FAM91A1: variants seen among roughly 807,000 people sequenced by gnomAD.
FAM91A1 encodes protein FAM91A1.
A neutral mutation model predicts 113.5 loss-of-function variants in FAM91A1; 41 were observed. The observed-to-expected ratio is 0.36, with a 90% CI of 0.28 to 0.47. The LOEUF (loss-of-function observed/expected upper bound fraction) is 0.47, where lower values mean the gene tolerates loss of function less well. FAM91A1 is among the 20% of genes least tolerant of loss of function. The pLI, the probability that FAM91A1 is intolerant of heterozygous loss-of-function variation, is 1.00. For synonymous variants in FAM91A1, 307 were observed against 347.9 expected, an observed-to-expected ratio of 0.88 and a Z score of 1.31; for missense variants, 696 against 1,001.2, an observed-to-expected ratio of 0.70 and a Z score of 4.11.
chr8:123,775,068 T>C, intron 2 of FAM91A1, 79 bp from the exon 3 acceptor site: 1 of 1,328,570 alleles, frequency 7.5e-7, no homozygotes, highest in Non-Finnish European at 1.0e-6. Flanking sequence ...AAATTACTGT[T>C]GGTTTGTAAA....
chr8:123,773,655 A>G (rs540996805), intron 1 of FAM91A1, among the ~76,000 whole-genome samples: 16 of 152,336 alleles, frequency 1.1e-4, no homozygotes, highest in African/African-American at 3.6e-4. Context: ...TACAATTATC[A>G]AAGAGGGATG....
chr8:123,778,077 G>A lies in FAM91A1; in HGVS notation c.420G>A (p.Gln140=), dbSNP rs1815031369. ...GRNQYIDLMN[Q]CRSSKKFFRR... is the part of the protein sequence containing the mutation. ...ACCAGTATATTGATCTTATGAATCA[G>A]TGTAGATCATCAAAAGTAAGTTAGT... is the stretch of plus-strand genomic sequence containing the variant. The change falls in exon 5 of 24, where the codon CAG becomes CAA. Residue 140 remains glutamine, a synonymous_variant. Coordinates refer to ENST00000334705, the MANE Select transcript of FAM91A1 (RefSeq NM_144963.4). 6.2e-7 allele frequency: 1 copy of A among 1,612,054 alleles called. No homozygotes were observed. Among genetic ancestry groups the A allele is most frequent in the Non-Finnish European group, 8.5e-7 (1 of 1,178,912 alleles).
chr8:123,775,157 CA>C lies in FAM91A1; in HGVS notation c.170del (p.Lys57ArgfsTer12). On this transcript the variant is annotated frameshift_variant, in exon 3 of 24. Coordinates refer to ENST00000334705, the MANE Select transcript of FAM91A1 (RefSeq NM_144963.4). LOFTEE classifies it high-confidence loss of function. Reference sequence around the variant, plus strand: ...CCCTCTTTTGTGCAGTTAAACATGTCAAGAAAGATGAACGCAGATACTATGA... The same window carrying C: ...CCCTCTTTTGTGCAGTTAAACATGTCAGAAAGATGAACGCAGATACTATGA... ...RYRNNLVKHV[K>X]KDERRYYEEL... 6.2e-7 allele frequency: 1 copy of C among 1,604,238 alleles called. No homozygotes were observed. The highest frequency in any genetic ancestry group is 1.1e-5 in the South Asian group (1 of 89,676).
intron 1 of FAM91A1, among the ~76,000 whole-genome samples, chr8:123,773,858 T>C (rs1814916738): frequency 6.6e-6 from 1 of 152,216 alleles, no homozygotes; most frequent in Non-Finnish European, 1.5e-5. Context: ...TTTAGTAAAC[T>C]CTTTTAGAAA....
intron 15 of FAM91A1, among the ~76,000 whole-genome samples, chr8:123,791,541 AT>A (rs1346532718): frequency 6.6e-6 from 1 of 152,106 alleles, no homozygotes; most frequent in Non-Finnish European, 1.5e-5. Flanking sequence ...CTAGTTGGAG[AT>A]TTAATTGCTT....
chr8:123,783,175 C>CAATA lies in FAM91A1; in HGVS notation c.704-1278_704-1275dup, dbSNP rs556597277. 1.9e-4 allele frequency among the ~76,000 whole-genome samples: 29 copies of CAATA among 151,408 alleles called. No individual in the cohort carries two copies. The East Asian group carries it at 3.5e-3, about 18-fold the overall frequency. On this transcript the variant is annotated intron_variant, in intron 8 of 23. Transcript: ENST00000334705. ...TAGGTGACAGAGTGAGACCCTGTCT[C>CAATA]AATAAATAAATAAATAAATAGATAC...
chr8:123,774,859 A>C (rs534657195), intron 2 of FAM91A1, among the ~76,000 whole-genome samples: 139 of 152,280 alleles, frequency 9.1e-4, no homozygotes, highest in African/African-American at 3.3e-3. Flanking sequence ...CAATTCAATA[A>C]AGCTCTGTTT....
intron 14 of FAM91A1, among the ~76,000 whole-genome samples, chr8:123,789,369 T>C (rs1815329361): frequency 6.6e-6 from 1 of 152,236 alleles, no homozygotes; most frequent in Non-Finnish European, 1.5e-5. Context: ...CATATAATGC[T>C]ATAACTTAGC....
At chr8:123,786,444 G>A in intron 11 of FAM91A1, 51 bp from the exon 12 acceptor site, 2 of 1,258,304 alleles carry the variant, frequency 1.6e-6, no homozygotes, top group South Asian at 1.2e-5. Context: ...ATATTTTAAT[G>A]TAAGGTCATT....
At chr8:123,795,868 C>T (rs1342490781) in intron 15 of FAM91A1, among the ~76,000 whole-genome samples, 5 of 152,208 alleles carry the variant, frequency 3.3e-5, no homozygotes, top group East Asian at 3.9e-4. Context: ...GTCAGGACTG[C>T]GCTTATCTAT....
chr8:123,794,571 G>A (rs1815462930), intron 15 of FAM91A1, among the ~76,000 whole-genome samples: 1 of 152,224 alleles, frequency 6.6e-6, no homozygotes, highest in Admixed American at 6.5e-5. Context: ...GAGCTCAAGT[G>A]TTGTATCTAC....
At chr8:123,799,224 A>G (rs1815617204) in intron 16 of FAM91A1, among the ~76,000 whole-genome samples, 2 of 152,330 alleles carry the variant, frequency 1.3e-5, no homozygotes, top group Admixed American at 1.3e-4. Context: ...GATTGAGCAA[A>G]ATGAGGCACA....
chr8:123,794,970 T>C (rs368710923), intron 15 of FAM91A1, among the ~76,000 whole-genome samples: 2 of 152,244 alleles, frequency 1.3e-5, no homozygotes, highest in East Asian at 1.9e-4. Context: ...CATGAAAACA[T>C]TGCGCTTTTT....
chr8:123,786,472 G>A (rs2130089003), intron 11 of FAM91A1, 23 bp from the exon 12 acceptor site: 5 of 1,514,302 alleles, frequency 3.3e-6, no homozygotes, highest in South Asian at 1.1e-5. Flanking sequence ...TTTTTAAAAA[G>A]CAAATGCATT....
chr8:123,801,573 G>A (rs1186953541), intron 18 of FAM91A1, among the ~76,000 whole-genome samples: 1 of 152,164 alleles, frequency 6.6e-6, no homozygotes, highest in Non-Finnish European at 1.5e-5. Flanking sequence ...TCATCTTCAA[G>A]GAATTTAAGG....
intron 10 of FAM91A1, 115 bp from the exon 11 acceptor site, chr8:123,785,514 C>A: frequency 1.4e-6 from 1 of 712,048 alleles, no homozygotes; most frequent in Admixed American, 3.1e-5. Flanking sequence ...TTTCTGGTTA[C>A]GGGATGAAAA....
In FAM91A1 at chr8:123,768,839, C is replaced by T. The variant is rs528645461; in HGVS notation, c.72+65C>T. ...GCCCGCCCAGCGGTCACCTGCTTGC[C>T]TCGCTCGCGGGGCCCGAGCGGGCTG... On this transcript the variant is annotated intron_variant, in intron 1 of 23. Coordinates refer to ENST00000334705, the MANE Select transcript of FAM91A1 (RefSeq NM_144963.4). 27 of 1,532,570 alleles carry T rather than the reference C, an allele frequency of 1.8e-5. No individual in the cohort carries two copies. In the African/African-American group the frequency reaches 3.6e-4, roughly 20 times the overall value. 94.9% of individuals were successfully genotyped at this position (1,532,570 alleles called of 1,614,324 possible).
chr8:123,772,554 G>T (rs1457125884), intron 1 of FAM91A1, among the ~76,000 whole-genome samples: 1 of 152,154 alleles, frequency 6.6e-6, no homozygotes, highest in African/African-American at 2.4e-5. Flanking sequence ...CATACATTCT[G>T]GTTCTACCGT....
chr8:123,769,749 TAGC>T (rs1456946692), intron 1 of FAM91A1, among the ~76,000 whole-genome samples: 1 of 152,156 alleles, frequency 6.6e-6, no homozygotes, highest in African/African-American at 2.4e-5. Context: ...ATACGTAACA[TAGC>T]AGATGGTTTT....
Sources: allele counts gnomAD v4.1 joint callset (sites outside exome capture counted in the v4.1 genomes callset), GRCh38; gene constraint gnomAD v4.1.1; transcripts MANE v1.5; gene names NCBI Gene and HGNC (gene_info 2026-07-23, HGNC 2026-07-21).